The following ARHGAP15 variants were observed in gnomAD, a reference collection of about 807,000 sequenced individuals.
The protein encoded by ARHGAP15 is rho GTPase-activating protein 15.
Under a neutral mutation model 63.7 loss-of-function variants are expected in ARHGAP15, and 51 were observed. The observed-to-expected ratio is 0.80, with a 90% CI of 0.64 to 1.01. ARHGAP15 has a LOEUF of 1.01. Ranked by LOEUF, ARHGAP15 falls within the 50% of genes least tolerant of loss-of-function variation. ARHGAP15 has a pLI of 0.00. For synonymous variants in ARHGAP15, 191 were observed against 193.8 expected, an observed-to-expected ratio of 0.99 and a Z score of 0.12; for missense variants, 560 against 564.6, an observed-to-expected ratio of 0.99 and a Z score of 0.08.
rs535809543 is a variant in ARHGAP15, at chr2:143,399,232, G to C, written c.475-36369G>C. Among the ~76,000 whole-genome samples, 50 of 151,980 alleles carry C rather than the reference G, an allele frequency of 3.3e-4. 1 individual carries two copies. Among genetic ancestry groups the C allele is most frequent in the African/African-American group, 1.1e-3 (45 of 41,462 alleles). On this transcript the variant is annotated intron_variant, in intron 6 of 13. Transcript: ENST00000295095. ...TGGAGGCTGACTATGGAGGTTTGCA[G>C]CTGTCGTAATTATCCCTTATACAAT... is the stretch of plus-strand genomic sequence containing the variant.
intron 9 of ARHGAP15, among the ~76,000 whole-genome samples, chr2:143,492,293 G>A (rs561996049): frequency 6.6e-6 from 1 of 152,124 alleles, no homozygotes; most frequent in Admixed American, 6.5e-5. Context: ...CTTAAGTTTT[G>A]TTAACCCTAG....
chr2:143,551,792 TCAA>T (rs1431759433), intron 10 of ARHGAP15, among the ~76,000 whole-genome samples: 1 of 152,116 alleles, frequency 6.6e-6, no homozygotes, highest in Non-Finnish European at 1.5e-5. Flanking sequence ...AGGTACAAAA[TCAA>T]CACCACTGAG....
intron 10 of ARHGAP15, among the ~76,000 whole-genome samples, chr2:143,520,870 A>G (rs1694034765): frequency 6.6e-6 from 1 of 152,194 alleles, no homozygotes; most frequent in African/African-American, 2.4e-5. Context: ...GCATGTGTAA[A>G]GAAGCGCTCC....
At chr2:143,217,234 A>G (rs1206036302) in intron 4 of ARHGAP15, among the ~76,000 whole-genome samples, 1 of 152,220 alleles carries the variant, frequency 6.6e-6, no homozygotes, top group Non-Finnish European at 1.5e-5. Context: ...TAGTTGTATA[A>G]TACAATTCAT....
intron 2 of ARHGAP15, among the ~76,000 whole-genome samples, chr2:143,175,043 A>G (rs1444525802): frequency 6.6e-6 from 1 of 152,184 alleles, no homozygotes; most frequent in African/African-American, 2.4e-5. Flanking sequence ...AATTTTCCCA[A>G]TGAACCTGCA....
rs1159454142 is a variant in ARHGAP15, at chr2:143,526,511, A to G, written c.925+7147A>G. Among the ~76,000 whole-genome samples, 17 of 152,280 alleles carry G rather than the reference A, an allele frequency of 1.1e-4. No homozygotes were observed. The South Asian group carries it at 1.5e-3, about 13-fold the overall frequency. On this transcript the variant is annotated intron_variant, in intron 10 of 13. Coordinates refer to ENST00000295095, the MANE Select transcript of ARHGAP15 (RefSeq NM_018460.4). ...TTCTTATTGTGTATGGGGAATTTAA[A>G]TAATGCAACACCTCAACTTACCAAG...
chr2:143,727,118 A>C (rs1685316025), intron 13 of ARHGAP15, among the ~76,000 whole-genome samples: 1 of 152,168 alleles, frequency 6.6e-6, no homozygotes, highest in Non-Finnish European at 1.5e-5. Context: ...CTGTACTTGT[A>C]TGCAAAAGAG....
intron 9 of ARHGAP15, among the ~76,000 whole-genome samples, chr2:143,506,320 T>G (rs1444759991): frequency 6.6e-6 from 1 of 152,196 alleles, no homozygotes; most frequent in Admixed American, 6.5e-5. Context: ...CCTGAATAAA[T>G]TCTGTGTATC....
chr2:143,472,960 C>G (rs551749089), intron 8 of ARHGAP15, among the ~76,000 whole-genome samples: 13 of 152,160 alleles, frequency 8.5e-5, no homozygotes, highest in Non-Finnish European at 1.6e-4. Context: ...TGCTCTGATA[C>G]TATTCAATTA....
At chr2:143,572,454 C>T (rs1302880271) in intron 11 of ARHGAP15, among the ~76,000 whole-genome samples, 1 of 152,138 alleles carries the variant, frequency 6.6e-6, no homozygotes, top group East Asian at 1.9e-4. Context: ...CGTTATCATC[C>T]CCATCTCTCA....
intron 1 of ARHGAP15, among the ~76,000 whole-genome samples, chr2:143,134,441 T>G (rs1400530509): frequency 1.3e-5 from 2 of 152,156 alleles, no homozygotes; most frequent in Non-Finnish European, 2.9e-5. Context: ...TCTGCTATTA[T>G]GGTTAAAATT....
At chr2:143,679,976 CA>C (rs1362827592) in intron 12 of ARHGAP15, among the ~76,000 whole-genome samples, 7 of 139,298 alleles carry the variant, frequency 5.0e-5, no homozygotes, top group African/African-American at 1.7e-4. Flanking sequence ...CACAGAAGGC[CA>C]GGGGCAAGAG....
At position 143,211,868 on chromosome 2, in the gene ARHGAP15, G is replaced by C. The variant is rs148694016; in HGVS notation, c.235-4516G>C. On this transcript the variant is annotated intron_variant, in intron 3 of 13. Transcript: ENST00000295095. Reference sequence around the variant, plus strand: ...ACCTAGGAAGCTGAACTAGGATTCAGATGGCTGCCAATGAGCACATTATCA... The same window carrying C: ...ACCTAGGAAGCTGAACTAGGATTCACATGGCTGCCAATGAGCACATTATCA... Among the ~76,000 whole-genome samples, 180 of 152,276 alleles carry C rather than the reference G, an allele frequency of 1.2e-3. 1 individual carries two copies. The highest frequency in any genetic ancestry group is 7.9e-4 in the Non-Finnish European group (54 of 68,026).
chr2:143,686,443 T>C (rs1401818254), intron 12 of ARHGAP15, among the ~76,000 whole-genome samples: 1 of 120,570 alleles, frequency 8.3e-6, no homozygotes, highest in Non-Finnish European at 1.7e-5. Context: ...ACTCTCAATA[T>C]AGCAATCACT....
intron 6 of ARHGAP15, among the ~76,000 whole-genome samples, chr2:143,306,629 G>T (rs1444163516): frequency 2.6e-5 from 4 of 152,062 alleles, no homozygotes; most frequent in South Asian, 2.1e-4. Context: ...AGTATAACTA[G>T]TCTGAAGACC....
In ARHGAP15 at chr2:143,251,297, A is replaced by T. The variant is rs184267118; in HGVS notation, c.474+697A>T. ...TATGAAATTTAATTTTATATTTCCAAAGTAACCAGTAATTAGATATATTTT... is the reference window on the plus strand; with the variant it reads ...TATGAAATTTAATTTTATATTTCCATAGTAACCAGTAATTAGATATATTTT... On this transcript the variant is annotated intron_variant, in intron 6 of 13. Coordinates refer to ENST00000295095, the MANE Select transcript of ARHGAP15 (RefSeq NM_018460.4). Among the ~76,000 whole-genome samples, 227 of 152,150 alleles carry T rather than the reference A, an allele frequency of 1.5e-3. 1 individual carries two copies. The highest frequency in any genetic ancestry group is 3.4e-3 in the Middle Eastern group (1 of 294).
chr2:143,284,294 A>G (rs1448831003), intron 6 of ARHGAP15, among the ~76,000 whole-genome samples: 3 of 152,196 alleles, frequency 2.0e-5, no homozygotes, highest in African/African-American at 7.2e-5. Context: ...AATGGTCACC[A>G]TTTAGAAAGG....
chr2:143,360,404 G>GA (rs1201847020), intron 6 of ARHGAP15, among the ~76,000 whole-genome samples: 1 of 151,334 alleles, frequency 6.6e-6, no homozygotes, highest in African/African-American at 2.4e-5. Flanking sequence ...AAAGAACTTT[G>GA]AAAATCACAT....
At chr2:143,592,227 A>G (rs1009649044) in intron 11 of ARHGAP15, among the ~76,000 whole-genome samples, 1 of 152,146 alleles carries the variant, frequency 6.6e-6, no homozygotes, top group Non-Finnish European at 1.5e-5. Context: ...TTATTACTTT[A>G]TATGTGTTTA....
Sources: gnomAD v4.1 joint callset for allele counts (sites outside exome capture counted in the v4.1 genomes callset) on GRCh38, gnomAD v4.1.1 for gene constraint, MANE v1.5 for transcripts, NCBI Gene and HGNC (gene_info 2026-07-23, HGNC 2026-07-21) for gene names.